SORCS1: variants seen among roughly 807,000 people sequenced by gnomAD.
SORCS1 encodes VPS10 domain-containing receptor SorCS1.
Under a neutral mutation model 146.1 loss-of-function variants are expected in SORCS1, and 60 were observed. That is an observed-to-expected ratio of 0.41 (90% CI 0.33 to 0.51). SORCS1 has a LOEUF of 0.51. SORCS1 is among the 20% of genes least tolerant of loss of function. SORCS1 has a pLI of 0.21. For missense variants in SORCS1, 1,352 were observed against 1,487.6 expected (o/e 0.91, Z 1.50); for synonymous variants, 637 against 584.0 (o/e 1.09, Z -1.31).
chr10:106,915,654 A>T, intron 2 of SORCS1, among the ~76,000 whole-genome samples: 1 of 152,144 alleles, frequency 6.6e-6, no homozygotes, highest in Non-Finnish European at 1.5e-5. Flanking sequence ...TTTGATATGC[A>T]TGATATATTT....
chr10:107,140,117 C>T (rs564382303), intron 1 of SORCS1, among the ~76,000 whole-genome samples: 4 of 152,204 alleles, frequency 2.6e-5, no homozygotes, highest in Admixed American at 1.3e-4. Flanking sequence ...CTTGACCTCA[C>T]AGCCAGTCAT....
intron 24 of SORCS1, among the ~76,000 whole-genome samples, chr10:106,586,952 G>A (rs1012082755): frequency 6.6e-6 from 1 of 152,104 alleles, no homozygotes; most frequent in Admixed American, 6.6e-5. Context: ...TAGATTCTGT[G>A]TCTAAACGAA....
Position 106,577,099 on chromosome 10 carries a change from T to C in SORCS1, c.*321A>G. The C allele has an allele frequency of 2.5e-6, 2 of 809,410 alleles. No homozygotes were observed. The highest frequency in any genetic ancestry group is 3.5e-6 in the Non-Finnish European group (2 of 579,040). 50.1% of individuals were successfully genotyped at this position (809,410 alleles called of 1,614,324 possible). A position where few individuals can be genotyped will look rare whatever the true frequency, so the allele number is the denominator to read the frequency against. ...CTTAAAGCTAAAAACCCTTGTTGTC[T>C]GTGTCTGAAGAATTAAAAAGTCCCG... On this transcript the variant is annotated 3_prime_UTR_variant, in exon 26 of 26. Transcript: ENST00000263054.
chr10:106,746,593 T>C (rs963140355), intron 5 of SORCS1, among the ~76,000 whole-genome samples: 1 of 152,208 alleles, frequency 6.6e-6, no homozygotes, highest in African/African-American at 2.4e-5. Context: ...CTACTTCATT[T>C]TTCAAAAAAG....
At chr10:106,934,586 A>C (rs1230202017) in intron 2 of SORCS1, among the ~76,000 whole-genome samples, 1 of 152,184 alleles carries the variant, frequency 6.6e-6, no homozygotes, top group Non-Finnish European at 1.5e-5. Flanking sequence ...AAGAACTAAA[A>C]GTAGATCTAC....
chr10:106,688,136 T>C (rs980279367), intron 10 of SORCS1, 56 bp downstream of exon 10: 1 of 1,570,770 alleles, frequency 6.4e-7, no homozygotes, highest in Non-Finnish European at 8.6e-7. Flanking sequence ...CTCTGTTAAA[T>C]ATCCATTTCC....
intron 17 of SORCS1, among the ~76,000 whole-genome samples, chr10:106,654,932 C>T (rs1160733861): frequency 6.6e-6 from 1 of 152,082 alleles, no homozygotes; most frequent in Non-Finnish European, 1.5e-5. Flanking sequence ...TTATGGCTCA[C>T]TGCAGCTTCC....
chr10:107,113,332 A>G (rs1216021835), intron 1 of SORCS1, among the ~76,000 whole-genome samples: 1 of 152,178 alleles, frequency 6.6e-6, no homozygotes, highest in Non-Finnish European at 1.5e-5. Flanking sequence ...AACATACCAA[A>G]ATTTCTGAGA....
chr10:107,031,930 A>G (rs918471051), intron 1 of SORCS1, among the ~76,000 whole-genome samples: 3 of 152,288 alleles, frequency 2.0e-5, no homozygotes, highest in Admixed American at 6.5e-5. Context: ...AGAAATCTGG[A>G]CTAACACTGA....
chr10:106,604,546 T>C (rs1221079951), intron 23 of SORCS1, among the ~76,000 whole-genome samples: 1 of 152,224 alleles, frequency 6.6e-6, no homozygotes, highest in Admixed American at 6.5e-5. Flanking sequence ...GCTGATACAC[T>C]GGCATTTTCC....
Position 106,688,350 on chromosome 10 carries a change from T to C in SORCS1, c.1414-12A>G, listed in dbSNP as rs971669379. ...TTTATCCCTGCTACCTGGGAAAAATTGACATGGCTGAAAAATACATCAATT... is the reference window on the plus strand; with the variant it reads ...TTTATCCCTGCTACCTGGGAAAAATCGACATGGCTGAAAAATACATCAATT... On this transcript the variant is annotated splice_polypyrimidine_tract_variant and intron_variant, in intron 9 of 25. Transcript: ENST00000263054. 6.2e-7 allele frequency: 1 copy of C among 1,607,862 alleles called. No homozygotes were observed. Among genetic ancestry groups the C allele is most frequent in the Non-Finnish European group, 8.5e-7 (1 of 1,178,184 alleles).
At chr10:107,073,296 T>C (rs1456074769) in intron 1 of SORCS1, among the ~76,000 whole-genome samples, 6 of 152,186 alleles carry the variant, frequency 3.9e-5, no homozygotes, top group Non-Finnish European at 4.4e-5. Context: ...TTTTAAAATA[T>C]AGCAAAATTC....
At chr10:106,611,435 T>C (rs769322903) in intron 22 of SORCS1, among the ~76,000 whole-genome samples, 2 of 152,140 alleles carry the variant, frequency 1.3e-5, no homozygotes, top group Admixed American at 6.5e-5. Context: ...TGACTAACCA[T>C]CATATACTGA....
intron 2 of SORCS1, among the ~76,000 whole-genome samples, chr10:106,896,202 G>A (rs1227628502): frequency 2.0e-5 from 3 of 152,114 alleles, no homozygotes; most frequent in Non-Finnish European, 2.9e-5. Flanking sequence ...GCCAAGGCGG[G>A]TGGATCACCT....
At chr10:106,604,139 C>T (rs1846418942) in intron 23 of SORCS1, among the ~76,000 whole-genome samples, 1 of 152,130 alleles carries the variant, frequency 6.6e-6, no homozygotes, top group South Asian at 2.1e-4. Flanking sequence ...GCCAACTTCC[C>T]ATATGGTAGC....
At chr10:107,040,739 C>A (rs1399448653) in intron 1 of SORCS1, among the ~76,000 whole-genome samples, 2 of 152,110 alleles carry the variant, frequency 1.3e-5, no homozygotes, top group African/African-American at 2.4e-5. Context: ...TAGCATAGTA[C>A]CTGGCAGAGT....
chr10:106,985,200 TAAATAAATAAA>T (rs1956413826), intron 1 of SORCS1, among the ~76,000 whole-genome samples: 1 of 151,984 alleles, frequency 6.6e-6, no homozygotes, highest in Admixed American at 6.6e-5. Flanking sequence ...AATGAATACA[TAAATAAATAAA>T]AAATAAATAA....
At chr10:106,857,755 C>T (rs1346820492) in intron 2 of SORCS1, among the ~76,000 whole-genome samples, 1 of 152,120 alleles carries the variant, frequency 6.6e-6, no homozygotes, top group Non-Finnish European at 1.5e-5. Context: ...TTTCTATTAC[C>T]ATGTTATAAC....
At chr10:107,056,352 A>C (rs1209018921) in intron 1 of SORCS1, among the ~76,000 whole-genome samples, 1 of 152,228 alleles carries the variant, frequency 6.6e-6, no homozygotes, top group East Asian at 1.9e-4. Context: ...ATGAAGCACG[A>C]TCACTGCCCC....
Sources: gnomAD v4.1 joint callset for allele counts (sites outside exome capture counted in the v4.1 genomes callset) on GRCh38, gnomAD v4.1.1 for gene constraint, MANE v1.5 for transcripts, NCBI Gene and HGNC (gene_info 2026-07-23, HGNC 2026-07-21) for gene names.